The following REDIC1 variants were observed in gnomAD, a reference collection of about 807,000 sequenced individuals.
REDIC1 encodes HEI10 Interacting Protein 1.
At chr12:39,714,058 C>T in the REDIC1 span, among the ~76,000 whole-genome samples, 1 of 7,876 alleles carries the variant, frequency 1.3e-4, no homozygotes, top group Non-Finnish European at 8.1e-4. Flanking sequence ...TGTATATACA[C>T]GTATGTGTAT....
the REDIC1 span, chr12:39,872,053 A>T: frequency 7.1e-6 from 8 of 1,121,776 alleles, no homozygotes; most frequent in Non-Finnish European, 9.6e-6. Context: ...ATTTGAAAAA[A>T]ATATAAGGAG....
chr12:39,652,530 G>C, the REDIC1 span, among the ~76,000 whole-genome samples: 16 of 152,058 alleles, frequency 1.1e-4, no homozygotes, highest in Admixed American at 1.0e-3. Flanking sequence ...TGTGACTCTG[G>C]TGAAATGTTT....
chr12:39,712,105 T>TATATATACCGGTATGTATATATACATAC, the REDIC1 span, among the ~76,000 whole-genome samples: 4 of 133,700 alleles, frequency 3.0e-5, no homozygotes, highest in Non-Finnish European at 1.7e-5. Context: ...TATATACCTG[T>TATATATACCGGTATGTATATATACATAC]ATATATACCT....
the REDIC1 span, among the ~76,000 whole-genome samples, chr12:39,764,212 T>C: frequency 6.6e-6 from 1 of 151,980 alleles, no homozygotes; most frequent in Non-Finnish European, 1.5e-5. Context: ...GATGTCTGAG[T>C]TGGGAGAGGG....
At chr12:39,703,727 G>T in the REDIC1 span, among the ~76,000 whole-genome samples, 1 of 152,058 alleles carries the variant, frequency 6.6e-6, no homozygotes, top group Non-Finnish European at 1.5e-5. Flanking sequence ...GGTACCAAAA[G>T]AGAGATATAG....
the REDIC1 span, among the ~76,000 whole-genome samples, chr12:39,848,883 G>A: frequency 6.6e-6 from 1 of 152,152 alleles, no homozygotes; most frequent in African/African-American, 2.4e-5. Context: ...AACATGGATG[G>A]AGCTGGAGGC....
the REDIC1 span, among the ~76,000 whole-genome samples, chr12:39,790,518 T>C: frequency 6.6e-6 from 1 of 150,894 alleles, no homozygotes; most frequent in Non-Finnish European, 1.5e-5. Context: ...TGGTTTCCAA[T>C]TTCATCCATG....
chr12:39,783,019 G>A, the REDIC1 span, among the ~76,000 whole-genome samples: 297 of 151,620 alleles, frequency 2.0e-3, no homozygotes, highest in African/African-American at 6.2e-3. Flanking sequence ...ATCCCTCCCC[G>A]CTCCCCCCAC....
At chr12:39,796,198 T>C in the REDIC1 span, among the ~76,000 whole-genome samples, 1 of 152,214 alleles carries the variant, frequency 6.6e-6, no homozygotes, top group Non-Finnish European at 1.5e-5. Context: ...AATTTTCATA[T>C]TTCATTCACT....
the REDIC1 span, among the ~76,000 whole-genome samples, chr12:39,704,498 G>A: frequency 1.3e-5 from 2 of 152,192 alleles, no homozygotes. Flanking sequence ...TTCAACCATT[G>A]TAGAAGGCAG....
chr12:39,717,820 C>T, the REDIC1 span, among the ~76,000 whole-genome samples: 23 of 152,066 alleles, frequency 1.5e-4, no homozygotes, highest in African/African-American at 5.6e-4. Context: ...TTTTCTGGCA[C>T]TGCTTCTTTT....
the REDIC1 span, among the ~76,000 whole-genome samples, chr12:39,745,533 T>G: frequency 1.3e-5 from 2 of 152,210 alleles, no homozygotes; most frequent in Non-Finnish European, 2.9e-5. Context: ...AATGAAATCA[T>G]GTACATTAAG....
chr12:39,732,031 C>T, the REDIC1 span, among the ~76,000 whole-genome samples: 1 of 152,084 alleles, frequency 6.6e-6, no homozygotes, highest in Non-Finnish European at 1.5e-5. Context: ...CTCCTCCATC[C>T]CTCCAAAAGT....
chr12:39,770,719 A>T, the REDIC1 span, among the ~76,000 whole-genome samples: 2 of 152,148 alleles, frequency 1.3e-5, no homozygotes, highest in Admixed American at 6.5e-5. Flanking sequence ...AGTGCCCCTC[A>T]TGACATTTCT....
the REDIC1 span, among the ~76,000 whole-genome samples, chr12:39,735,868 G>A: frequency 6.6e-6 from 1 of 152,228 alleles, no homozygotes; most frequent in Non-Finnish European, 1.5e-5. Context: ...TTATCTTGAT[G>A]AATTTTGTGG....
the REDIC1 span, among the ~76,000 whole-genome samples, chr12:39,750,432 A>G: frequency 1.3e-5 from 2 of 152,198 alleles, no homozygotes; most frequent in Non-Finnish European, 2.9e-5. Context: ...AAATGGAAAA[A>G]CATTCCATGC....
chr12:39,765,476 C>A, the REDIC1 span, among the ~76,000 whole-genome samples: 1 of 152,128 alleles, frequency 6.6e-6, no homozygotes, highest in African/African-American at 2.4e-5. Flanking sequence ...ACTTCCAGTT[C>A]TTTACCTTAA....
the REDIC1 span, among the ~76,000 whole-genome samples, chr12:39,700,590 C>A: frequency 6.6e-6 from 1 of 151,950 alleles, no homozygotes; most frequent in Non-Finnish European, 1.5e-5. Context: ...GATAATGCCA[C>A]AAAAGATACT....
At chr12:39,842,184 C>T in the REDIC1 span, among the ~76,000 whole-genome samples, 1 of 151,816 alleles carries the variant, frequency 6.6e-6, no homozygotes, top group East Asian at 1.9e-4. Flanking sequence ...GCAGGCTGAA[C>T]AATATAAAGA....
Sources: gnomAD v4.1 joint callset for allele counts (sites outside exome capture counted in the v4.1 genomes callset) on GRCh38, gnomAD v4.1.1 for gene constraint, MANE v1.5 for transcripts, NCBI Gene and HGNC (gene_info 2026-07-23, HGNC 2026-07-21) for gene names.